PPP2R5C: variants seen among roughly 807,000 people sequenced by gnomAD.
PPP2R5C encodes protein phosphatase 2 regulatory subunit B'gamma, also known as serine/threonine-protein phosphatase 2A 56 kDa regulatory subunit gamma isoform.
PPP2R5C carries 7 observed loss-of-function variants against 68.9 expected under a neutral mutation model. The ratio of observed to expected loss-of-function variants is 0.10; its 90% confidence interval spans 0.06 to 0.19. PPP2R5C has a LOEUF of 0.19. Among genes scored for constraint, PPP2R5C ranks in the 10% least tolerant of loss-of-function variants. The pLI, the probability that PPP2R5C is intolerant of heterozygous loss-of-function variation, is 1.00. For synonymous variants in PPP2R5C, 210 were observed against 222.2 expected (o/e 0.95, Z 0.49); for missense variants, 348 against 641.3 (o/e 0.54, Z 4.94).
chr14:101,791,281 TC>T (rs2038354298), intron 3 of PPP2R5C, among the ~76,000 whole-genome samples: 1 of 152,174 alleles, frequency 6.6e-6, no homozygotes. Flanking sequence ...CATTGGCCTT[TC>T]CCCAATGACT....
chr14:101,897,177 A>G (rs1217896129), intron 8 of PPP2R5C, among the ~76,000 whole-genome samples: 1 of 152,184 alleles, frequency 6.6e-6, no homozygotes, highest in Non-Finnish European at 1.5e-5. Flanking sequence ...ACCAAATCTC[A>G]TCACACTTCA....
At chr14:101,885,454 C>G (rs4906158) in intron 5 of PPP2R5C, among the ~76,000 whole-genome samples, 378 of 107,020 alleles carry the variant, frequency 3.5e-3, no homozygotes, top group African/African-American at 0.013. Flanking sequence ...CTGCCTTTCC[C>G]TCTGCAGTCA....
intron 6 of PPP2R5C, 95 bp downstream of exon 8, chr14:101,890,391 C>G: frequency 8.6e-7 from 1 of 1,165,152 alleles, no homozygotes; most frequent in South Asian, 1.4e-5. Flanking sequence ...TAAAGCAAGG[C>G]AGTTTAAACC....
At chr14:101,883,970 T>C (rs1021731955) in intron 5 of PPP2R5C, among the ~76,000 whole-genome samples, 2 of 151,860 alleles carry the variant, frequency 1.3e-5, no homozygotes, top group East Asian at 1.9e-4. Context: ...ATTAGGAGAG[T>C]TGACTCACAC....
At chr14:101,909,664 A>T (rs748102896) in exon 11 of PPP2R5C, 3 of 1,606,766 alleles carry the variant, frequency 1.9e-6, no homozygotes, top group Non-Finnish European at 2.6e-6. Flanking sequence ...ATGACTGTAC[A>T]CAACAGTTCA....
chr14:101,851,626 T>C (rs1397425843), intron 1 of PPP2R5C, among the ~76,000 whole-genome samples: 1 of 152,084 alleles, frequency 6.6e-6, no homozygotes, highest in African/African-American at 2.4e-5. Flanking sequence ...AGGCTGGTAG[T>C]TTTTGCAGCT....
chr14:101,906,482 C>T lies in PPP2R5C; in HGVS notation c.1104C>T (p.Pro368=), dbSNP rs368861434. The T allele has an allele frequency of 8.7e-6, 14 of 1,613,454 alleles. No individual in the cohort carries two copies. Among genetic ancestry groups the T allele is most frequent in the Non-Finnish European group, 1.2e-5 (14 of 1,179,860 alleles). The change falls in exon 10 of 14, where the codon CCC becomes CCT. Residue 368 remains proline, a synonymous_variant. Coordinates refer to ENST00000334743, the Ensembl canonical transcript of PPP2R5C. This position sits in a 1 kb window ranked among gnomAD's most constrained non-coding sequence, Gnocchi z 4.0. ...GTGACAACGCAGCGAAGATTCTGCC[C>T]ATCATGTTTCCTTCCTTGTACCGCA... is the stretch of plus-strand genomic sequence containing the variant.
chr14:101,901,288 A>G (rs1398247491), intron 8 of PPP2R5C, among the ~76,000 whole-genome samples: 4 of 152,296 alleles, frequency 2.6e-5, no homozygotes, highest in Middle Eastern at 3.4e-3. Flanking sequence ...TTTTTTTAAA[A>G]AAAGGAATGG....
chr14:101,912,046 T>C lies in PPP2R5C; in HGVS notation c.1254-355T>C, dbSNP rs576719530. 3.9e-5 allele frequency among the ~76,000 whole-genome samples: 6 copies of C among 152,320 alleles called. No homozygotes were observed. The East Asian group carries it at 9.6e-4, about 24-fold the overall frequency. On this transcript the variant is annotated intron_variant, in intron 11 of 13. Coordinates refer to ENST00000334743, the Ensembl canonical transcript of PPP2R5C. ...TTTTACAGTACTGGTCCCTTTACAC[T>C]GTACTGCATACTCGTTTTTTCAGTG...
chr14:101,788,246 G>A (rs983623268), intron 3 of PPP2R5C, among the ~76,000 whole-genome samples: 3 of 152,188 alleles, frequency 2.0e-5, no homozygotes, highest in African/African-American at 4.8e-5. Flanking sequence ...TGCATGCCCC[G>A]CCTCAGCCAG....
At chr14:101,851,064 G>C (rs1053231454) in intron 1 of PPP2R5C, among the ~76,000 whole-genome samples, 8 of 152,104 alleles carry the variant, frequency 5.3e-5, no homozygotes. Context: ...TTTCTGTTTT[G>C]CGTGAGATCT....
At position 101,915,523 on chromosome 14, in the gene PPP2R5C, C is replaced by T. The variant is rs1345499137; in HGVS notation, c.1327-2308C>T. ...GAGGGCCAGAGAGCCGTGCTCCAAG[C>T]GGAGGCTGTTGGTGGGTCCCATGAA... On this transcript the variant is annotated intron_variant, in intron 12 of 13. Transcript: ENST00000334743. The surrounding 1 kb of genome is among the most constrained non-coding windows in gnomAD (Gnocchi z 4.2). Among the ~76,000 whole-genome samples, 4 of 152,208 alleles carry T rather than the reference C, an allele frequency of 2.6e-5. No homozygotes were observed. Among genetic ancestry groups the T allele is most frequent in the South Asian group, 2.1e-4 (1 of 4,826 alleles).
chr14:101,885,368 G>C (rs60265551), intron 5 of PPP2R5C, among the ~76,000 whole-genome samples: 9,689 of 76,302 alleles, frequency 0.13, 7 homozygotes, highest in African/African-American at 0.27. Context: ...CTGCCTTTCC[G>C]TCTGCAGTCA....
Position 101,835,225 on chromosome 14 carries a change from G to T in PPP2R5C, c.95-21461G>T, listed in dbSNP as rs1442729932. Among the ~76,000 whole-genome samples the T allele has an allele frequency of 1.3e-5, 2 of 152,172 alleles. No individual in the cohort carries two copies. Among genetic ancestry groups the T allele is most frequent in the Non-Finnish European group, 2.9e-5 (2 of 68,030 alleles). ...GGCCATCCAAGGAAGCAAAGATGTG[G>T]TGCTGTCCTGTGGCTGGGGGAGCAG... On this transcript the variant is annotated intron_variant, in intron 1 of 13. Coordinates refer to ENST00000334743, the Ensembl canonical transcript of PPP2R5C. This position sits in a 1 kb window ranked among gnomAD's most constrained non-coding sequence, Gnocchi z 5.0.
chr14:101,864,904 G>A (rs942675535), intron 2 of PPP2R5C, among the ~76,000 whole-genome samples: 5 of 152,296 alleles, frequency 3.3e-5, no homozygotes, highest in Middle Eastern at 3.4e-3. Flanking sequence ...TCAGAATGAC[G>A]CATGAAGGGA....
exon 1 of PPP2R5C, chr14:101,809,918 C>T (rs777480499): frequency 1.2e-6 from 2 of 1,610,972 alleles, no homozygotes; most frequent in South Asian, 2.2e-5. Flanking sequence ...TTAAGGAGCC[C>T]ATTGCCTTTC....
rs764389464 is a variant in PPP2R5C, at chr14:101,765,193, A to G, written c.93+2223A>G. ...AGCTGGAGCTACAGAGCTTGAAATT[A>G]CCACTGAAAACACTGAAATGTTGGG... On this transcript the variant is annotated intron_variant, in intron 2 of 14. Coordinates refer to the PPP2R5C transcript ENST00000328724. 3.6e-5 allele frequency: 25 copies of G among 702,662 alleles called. No homozygotes were observed. The South Asian group carries it at 3.7e-4, about 10-fold the overall frequency. The allele number at this position is 702,662 out of a possible 1,614,324, so 43.5% of individuals were successfully genotyped here.
intron 1 of PPP2R5C, chr14:101,818,754 T>C (rs1462368496): frequency 8.5e-6 from 3 of 351,284 alleles, no homozygotes; most frequent in Non-Finnish European, 1.6e-5. Flanking sequence ...ATATTTGAAA[T>C]AAGTGGGGTC....
intron 12 of PPP2R5C, chr14:101,914,535 T>C (rs34808410): frequency 0.053 from 9,195 of 174,010 alleles, 336 homozygotes; most frequent in Non-Finnish European, 0.08. Context: ...ATCTCAGATC[T>C]GCCTGTGGAG....
Sources: allele counts gnomAD v4.1 joint callset (sites outside exome capture counted in the v4.1 genomes callset), GRCh38; gene constraint gnomAD v4.1.1; non-coding constraint Gnocchi (gnomAD v3.1); transcripts MANE v1.5; gene names NCBI Gene and HGNC (gene_info 2026-07-23, HGNC 2026-07-21).